The following SYNE1 variants were observed in gnomAD, a reference collection of about 807,000 sequenced individuals.
SYNE1 encodes nesprin-1.
In SYNE1, 616 loss-of-function variants were observed where a neutral mutation model predicts 1,111.0. That is an observed-to-expected ratio of 0.55 (90% CI 0.52 to 0.59). The LOEUF (loss-of-function observed/expected upper bound fraction) is 0.59. Ranked by LOEUF, SYNE1 falls within the 20% of genes least tolerant of loss-of-function variation. The probability of loss-of-function intolerance (pLI) is 0.00; values close to 1 mark genes in which losing one functional copy is unlikely to be tolerated. For missense variants in SYNE1, 10,006 were observed against 10,417.0 expected (o/e 0.96, Z 1.72); for synonymous variants, 3,855 against 3,825.8 (o/e 1.01, Z -0.28).
intron 9 of SYNE1, among the ~76,000 whole-genome samples, chr6:152,503,680 T>C (rs1359446933): frequency 6.6e-6 from 1 of 152,136 alleles, no homozygotes; most frequent in African/African-American, 2.4e-5. Flanking sequence ...AGACTTGCAA[T>C]ATAGGGTTTA....
rs549548104 is a variant in SYNE1, at chr6:152,442,251, A to T, written c.3838-6T>A. On this transcript the variant is annotated splice_polypyrimidine_tract_variant and splice_region_variant and intron_variant, in intron 30 of 145. Coordinates refer to ENST00000367255, the MANE Select transcript of SYNE1 (RefSeq NM_182961.4). ...GAGATCCGCTTTGTCTTTTGCTAGAAGCATTTATTCAACAGATGGATATAA... is the reference window on the plus strand; with the variant it reads ...GAGATCCGCTTTGTCTTTTGCTAGATGCATTTATTCAACAGATGGATATAA... 10 of 1,612,328 alleles carry T rather than the reference A, an allele frequency of 6.2e-6. No homozygotes were observed. In the African/African-American group the frequency reaches 1.3e-4, roughly 21 times the overall value.
intron 38 of SYNE1, among the ~76,000 whole-genome samples, chr6:152,427,244 A>T (rs1217802464): frequency 6.6e-6 from 1 of 152,092 alleles, no homozygotes; most frequent in South Asian, 2.1e-4. Context: ...CATTACTGTG[A>T]CTTCTTTCTA....
intron 127 of SYNE1, among the ~76,000 whole-genome samples, chr6:152,196,324 C>T (rs1477640064): frequency 6.6e-6 from 1 of 152,040 alleles, no homozygotes; most frequent in Non-Finnish European, 1.5e-5. Context: ...TTTGTTCTTG[C>T]CTCTCTTTTT....
chr6:152,150,992 A>G (rs1214245080), intron 135 of SYNE1, among the ~76,000 whole-genome samples: 3 of 152,162 alleles, frequency 2.0e-5, no homozygotes, highest in Non-Finnish European at 4.4e-5. Flanking sequence ...CAGCTGGATC[A>G]CTTGAGGTTA....
Position 152,444,554 on chromosome 6 carries a change from C to T in SYNE1, c.3694G>A (p.Gly1232Arg). Residue 1232 changes from glycine to arginine, a missense_variant, in exon 30 of 146, where the codon GGG (glycine) becomes AGG (arginine). This residue lies in a region of SYNE1 where 1,971 missense variants were observed against 2,084.1 expected (regional missense o/e 0.95). Coordinates refer to ENST00000367255, the MANE Select transcript of SYNE1 (RefSeq NM_182961.4). ...ATTTCTTTGTACTGGACACAGTCCC[C>T]AAAATTGCTTAGCATCTTTTCAACC... ...SEVEKMLSNFGDCVQYKEIVK... is the reference protein window; with the variant it reads ...SEVEKMLSNFRDCVQYKEIVK... The T allele has an allele frequency of 6.2e-7, 1 of 1,611,140 alleles. No individual in the cohort carries two copies. Among genetic ancestry groups the T allele is most frequent in the South Asian group, 1.1e-5 (1 of 90,652 alleles).
intron 104 of SYNE1, among the ~76,000 whole-genome samples, chr6:152,251,814 T>C (rs1462204687): frequency 6.6e-6 from 1 of 152,226 alleles, no homozygotes; most frequent in Non-Finnish European, 1.5e-5. Context: ...TATTTTTGTA[T>C]TATTACACTT....
intron 6 of SYNE1, chr6:152,511,552 T>C (rs759834506): frequency 6.2e-7 from 1 of 1,611,822 alleles, no homozygotes; most frequent in Non-Finnish European, 8.5e-7. Context: ...GAGTTAAGAA[T>C]TCTAAAATTT....
chr6:152,531,866 T>C (rs147611013), intron 4 of SYNE1, among the ~76,000 whole-genome samples: 13 of 152,354 alleles, frequency 8.5e-5, no homozygotes, highest in African/African-American at 2.6e-4. Context: ...TTCCATTGTA[T>C]GGATATACCA....
chr6:152,413,615 A>C, intron 41 of SYNE1, 84 bp from the exon 42 acceptor site: 1 of 1,359,678 alleles, frequency 7.4e-7, no homozygotes, highest in Non-Finnish European at 1.0e-6. Context: ...TGATGAGTCC[A>C]TAAAGCACTC....
chr6:152,540,187 A>T (rs753211765), intron 3 of SYNE1, among the ~76,000 whole-genome samples, 166 bp from the exon 4 acceptor site: 1 of 151,524 alleles, frequency 6.6e-6, no homozygotes, highest in South Asian at 2.1e-4. Flanking sequence ...CGATCTACAT[A>T]ATCATATAGA....
chr6:152,279,782 T>C (rs1200221486), intron 97 of SYNE1, among the ~76,000 whole-genome samples: 1 of 148,730 alleles, frequency 6.7e-6, no homozygotes, highest in East Asian at 2.0e-4. Context: ...AGAAGAGTAA[T>C]ACTTTTATTA....
intron 21 of SYNE1, among the ~76,000 whole-genome samples, chr6:152,460,690 G>T (rs1023486691): frequency 6.6e-6 from 1 of 151,088 alleles, no homozygotes; most frequent in African/African-American, 2.4e-5. Flanking sequence ...AATCCCAATG[G>T]AACTTCCAAA....
intron 76 of SYNE1, chr6:152,336,624 G>C: frequency 1.6e-6 from 1 of 620,918 alleles, no homozygotes; most frequent in South Asian, 1.8e-5. Context: ...AGGCATTAAT[G>C]CTTGCTCGCC....
At chr6:152,123,539 T>C (rs907743903) in intron 145 of SYNE1, among the ~76,000 whole-genome samples, 1 of 152,214 alleles carries the variant, frequency 6.6e-6, no homozygotes, top group Non-Finnish European at 1.5e-5. Context: ...GCCTGGAAAA[T>C]ACAGAATCTG....
At position 152,433,875 on chromosome 6, in the gene SYNE1, A is replaced by C. The variant is rs766626123; in HGVS notation, c.4381T>G (p.Trp1461Gly). Residue 1461 changes from tryptophan to glycine, a missense_variant, in exon 34 of 146, where the codon TGG (tryptophan) becomes GGG (glycine). Around this residue, in one of 7 missense-constraint regions of SYNE1, gnomAD observed 1,971 missense variants for 2,084.1 expected, o/e 0.95. Transcript: ENST00000367255. Reference sequence around the variant, plus strand: ...AGTTCTTTTTCTTTCTCAGTTATCCAGACGGACAGAGTCTCAAAATTACTG... The same window carrying C: ...AGTTCTTTTTCTTTCTCAGTTATCCCGACGGACAGAGTCTCAAAATTACTG... Reference protein sequence around the residue: ...FGSNFETLSVWITEKEKELNA... With the variant: ...FGSNFETLSVGITEKEKELNA... 6.2e-7 allele frequency: 1 copy of C among 1,613,868 alleles called. No individual in the cohort carries two copies. The highest frequency in any genetic ancestry group is 1.1e-5 in the South Asian group (1 of 91,076).
rs1437714993 is a variant in SYNE1, at chr6:152,364,903, C to T, written c.10089G>A (p.Leu3363=). ...PEGIPTIQQQ[L]QSVKDMWASL... ...ATGCCCACATATCCTTCACACTCTGCAGCTGCTGCTGAATAGTGGGAATGC... is the reference window on the plus strand; with the variant it reads ...ATGCCCACATATCCTTCACACTCTGTAGCTGCTGCTGAATAGTGGGAATGC... The change falls in exon 63 of 146, where the codon CTG becomes CTA. Residue 3363 remains leucine, a synonymous_variant. Coordinates refer to ENST00000367255, the MANE Select transcript of SYNE1 (RefSeq NM_182961.4). 4 of 1,614,236 alleles carry T rather than the reference C, an allele frequency of 2.5e-6. No homozygotes were observed. The highest frequency in any genetic ancestry group is 1.1e-5 in the South Asian group (1 of 91,086).
intron 98 of SYNE1, 119 bp from the exon 99 acceptor site, chr6:152,269,405 G>A: frequency 6.9e-7 from 1 of 1,457,372 alleles, no homozygotes. Context: ...CCACTGGGAT[G>A]TGAAACCACA....
intron 122 of SYNE1, 130 bp downstream of exon 122, chr6:152,214,776 G>T: frequency 7.8e-7 from 1 of 1,281,844 alleles, no homozygotes; most frequent in Non-Finnish European, 1.1e-6. Flanking sequence ...GGACTTCCCA[G>T]TCTCCAGAAC....
chr6:152,294,050 T>A lies in SYNE1; in HGVS notation c.17760A>T (p.Ala5920=). ...DAAKIHPSTS[A]SQEFYEPGLE... ...ATCCCGGTTCATAGAACTCCTGGGA[T>A]GCGGATGTGCTGGGGTGAATTTTTG... The change falls in exon 94 of 146, where the codon GCA becomes GCT. Residue 5920 remains alanine, a synonymous_variant. Transcript: ENST00000367255. 1 of 1,614,072 alleles carries A rather than the reference T, an allele frequency of 6.2e-7. No homozygotes were observed. The highest frequency in any genetic ancestry group is 8.5e-7 in the Non-Finnish European group (1 of 1,180,012).
Sources: allele counts gnomAD v4.1 joint callset (sites outside exome capture counted in the v4.1 genomes callset), GRCh38; gene constraint gnomAD v4.1.1; regional missense constraint gnomAD v4.1.1; transcripts MANE v1.5; gene names NCBI Gene and HGNC (gene_info 2026-07-23, HGNC 2026-07-21).